Variants in SLC37A3 observed in about 807,000 individuals in gnomAD.
SLC37A3 encodes the protein sugar phosphate exchanger 3.
SLC37A3 carries 51 observed loss-of-function variants against 67.1 expected under a neutral mutation model. That is an observed-to-expected ratio of 0.76 (90% CI 0.61 to 0.96). The LOEUF (loss-of-function observed/expected upper bound fraction) is 0.96, where lower values mean the gene tolerates loss of function less well. Among genes scored for constraint, SLC37A3 ranks in the 40% least tolerant of loss-of-function variants. The pLI is 0.00. For missense variants in SLC37A3, 508 were observed against 603.0 expected (o/e 0.84, Z 1.65); for synonymous variants, 214 against 231.4 (o/e 0.92, Z 0.68).
chr7:140,383,649 T>C (rs1174694227), intron 1 of SLC37A3, among the ~76,000 whole-genome samples: 1 of 152,050 alleles, frequency 6.6e-6, no homozygotes, highest in Non-Finnish European at 1.5e-5. Context: ...AGGCCACCCC[T>C]TGCCATCTCC....
At chr7:140,348,425 T>C (rs943150267) in intron 10 of SLC37A3, 8 of 546,420 alleles carry the variant, frequency 1.5e-5, no homozygotes, top group Non-Finnish European at 2.4e-5. Flanking sequence ...AGGTCTTCCT[T>C]TCTATGGACC....
chr7:140,367,769 C>T (rs1211103865), intron 4 of SLC37A3, among the ~76,000 whole-genome samples: 3 of 151,730 alleles, frequency 2.0e-5, no homozygotes, highest in Non-Finnish European at 4.4e-5. Context: ...AATTACTCCT[C>T]GCCACCGTGG....
At chr7:140,362,968 G>A (rs1390347037) in intron 5 of SLC37A3, among the ~76,000 whole-genome samples, 4 of 81,004 alleles carry the variant, frequency 4.9e-5, no homozygotes, top group Middle Eastern at 7.1e-3. Context: ...CCGCCCAGCC[G>A]GCCGCCCCGG....
At chr7:140,380,253 G>T in intron 3 of SLC37A3, 29 bp downstream of exon 3, 3 of 1,444,694 alleles carry the variant, frequency 2.1e-6, no homozygotes, top group South Asian at 2.3e-5. Flanking sequence ...CTCCTACTTC[G>T]ATCCATCCCA....
At chr7:140,397,550 G>A (rs1178556884) in intron 1 of SLC37A3, among the ~76,000 whole-genome samples, 2 of 152,080 alleles carry the variant, frequency 1.3e-5, no homozygotes, top group East Asian at 1.9e-4. Context: ...GGAGTTCTTA[G>A]TATAGAGCCT....
rs960669360 is a variant in SLC37A3, at chr7:140,355,243, ACT to A, written c.618+423_618+424del. ...TTAATTTATTTCTGAACAGAGTCTC[ACT>A]CTGTCACCCAGGCTGGAGTGAAGCG... On this transcript the variant is annotated intron_variant, in intron 7 of 14. Coordinates refer to ENST00000326232, the MANE Select transcript of SLC37A3 (RefSeq NM_207113.3). Among the ~76,000 whole-genome samples, 424 of 150,832 alleles carry A rather than the reference ACT, an allele frequency of 2.8e-3. 1 individual carries two copies. Among genetic ancestry groups the A allele is most frequent in the African/African-American group, 0.01 (412 of 40,944 alleles).
At chr7:140,386,373 T>G (rs982192594) in intron 1 of SLC37A3, among the ~76,000 whole-genome samples, 2 of 151,746 alleles carry the variant, frequency 1.3e-5, no homozygotes, top group Non-Finnish European at 2.9e-5. Context: ...CCCAGGAAAA[T>G]AGTTTTAAAC....
chr7:140,377,655 A>AATAT (rs1349137252), intron 3 of SLC37A3, among the ~76,000 whole-genome samples: 2 of 152,158 alleles, frequency 1.3e-5, no homozygotes, highest in Non-Finnish European at 2.9e-5. Context: ...AAAGCTATAA[A>AATAT]AAGTACTTTT....
chr7:140,364,078 C>A (rs1394647620), intron 5 of SLC37A3, among the ~76,000 whole-genome samples: 1 of 152,126 alleles, frequency 6.6e-6, no homozygotes, highest in Non-Finnish European at 1.5e-5. Context: ...TGGTGAAACC[C>A]CGTCTCTACC....
chr7:140,351,981 G>A (rs369368939), intron 8 of SLC37A3, 81 bp downstream of exon 8: 26 of 1,367,018 alleles, frequency 1.9e-5, no homozygotes, highest in African/African-American at 1.3e-4. Flanking sequence ...TAGGAAAAAA[G>A]AGATTCGATT....
Position 140,340,946 on chromosome 7 carries a change from G to C in SLC37A3, c.1326+2466C>G, listed in dbSNP as rs1796338901. On this transcript the variant is annotated intron_variant, in intron 13 of 14. Coordinates refer to ENST00000326232, the MANE Select transcript of SLC37A3 (RefSeq NM_207113.3). ...GATGCTGTCTCAAAAAAAAAAAATAGAGAGAGAGAGCCAGGGTCTGGCTCT... is the reference window on the plus strand; with the variant it reads ...GATGCTGTCTCAAAAAAAAAAAATACAGAGAGAGAGCCAGGGTCTGGCTCT... 3.5e-5 allele frequency among the ~76,000 whole-genome samples: 5 copies of C among 143,278 alleles called. No individual in the cohort carries two copies. In the South Asian group the frequency reaches 1.1e-3, roughly 31 times the overall value. The allele number at this position is 143,278 out of a possible 152,430, so 94.0% of individuals were successfully genotyped here.
At chr7:140,391,712 C>T (rs560631493) in intron 1 of SLC37A3, among the ~76,000 whole-genome samples, 19 of 152,284 alleles carry the variant, frequency 1.2e-4, no homozygotes, top group African/African-American at 4.1e-4. Context: ...TGCCTTTCTT[C>T]GTGGTCCAGG....
At chr7:140,362,759 C>T (rs1391381430) in intron 5 of SLC37A3, among the ~76,000 whole-genome samples, 1 of 92,652 alleles carries the variant, frequency 1.1e-5, no homozygotes, top group Non-Finnish European at 2.3e-5. Context: ...CCAGCCGCCC[C>T]GTCCGGGAGG....
chr7:140,389,401 CAG>C (rs1563055009), intron 1 of SLC37A3, among the ~76,000 whole-genome samples: 1 of 152,152 alleles, frequency 6.6e-6, no homozygotes, highest in African/African-American at 2.4e-5. Context: ...GAACAGAAGA[CAG>C]AGAGAAAGAC....
intron 1 of SLC37A3, among the ~76,000 whole-genome samples, chr7:140,397,958 CCAGT>C (rs922397209): frequency 6.6e-6 from 1 of 152,194 alleles, no homozygotes; most frequent in African/African-American, 2.4e-5. Flanking sequence ...GAAAACAAAA[CCAGT>C]CACTCACTGA....
At chr7:140,359,784 C>G (rs1797191228) in intron 5 of SLC37A3, among the ~76,000 whole-genome samples, 1 of 152,028 alleles carries the variant, frequency 6.6e-6, no homozygotes. Context: ...GAAAAATGAT[C>G]AGGGGTTGCC....
chr7:140,347,973 T>A lies in SLC37A3; in HGVS notation c.1024+653A>T, dbSNP rs183490345. On this transcript the variant is annotated intron_variant, in intron 10 of 14. Transcript: ENST00000326232. ...CCAAACTCTATACATACTATGTTTTTTTCTATACATACATACCCACGATCA... is the reference window on the plus strand; with the variant it reads ...CCAAACTCTATACATACTATGTTTTATTCTATACATACATACCCACGATCA... Among the ~76,000 whole-genome samples the A allele has an allele frequency of 7.9e-5, 12 of 152,324 alleles. No homozygotes were observed. In the South Asian group the frequency reaches 1.9e-3, roughly 24 times the overall value.
intron 5 of SLC37A3, among the ~76,000 whole-genome samples, chr7:140,359,245 A>C (rs1563024741): frequency 6.6e-6 from 1 of 151,172 alleles, no homozygotes; most frequent in Non-Finnish European, 1.5e-5. Context: ...CAGGAGGCTG[A>C]GGCAGGAGAA....
chr7:140,374,906 G>T (rs1035623021), intron 3 of SLC37A3, among the ~76,000 whole-genome samples: 1 of 152,002 alleles, frequency 6.6e-6, no homozygotes, highest in Non-Finnish European at 1.5e-5. Context: ...CCAACACTTT[G>T]GGAGGCCGAG....
Sources: gnomAD v4.1 joint callset for allele counts (sites outside exome capture counted in the v4.1 genomes callset) on GRCh38, gnomAD v4.1.1 for gene constraint, MANE v1.5 for transcripts, NCBI Gene and HGNC (gene_info 2026-07-23, HGNC 2026-07-21) for gene names.